The following ABCC11 variants were observed in gnomAD, a reference collection of about 807,000 sequenced individuals.
ABCC11 encodes the protein ATP-binding cassette sub-family C member 11.
In ABCC11, 135 loss-of-function variants were observed where a neutral mutation model predicts 149.3. That is an observed-to-expected ratio of 0.90 (90% CI 0.79 to 1.04). The LOEUF (loss-of-function observed/expected upper bound fraction) is 1.04, where lower values mean the gene tolerates loss of function less well. Among genes scored for constraint, ABCC11 ranks in the 50% least tolerant of loss-of-function variants. ABCC11 has a pLI of 0.00. For synonymous variants in ABCC11, 665 were observed against 671.4 expected (o/e 0.99, Z 0.15); for missense variants, 1,680 against 1,722.1 (o/e 0.98, Z 0.43).
rs1204017437 is a variant in ABCC11, at chr16:48,177,045, C to T, written c.3417G>A (p.Gly1139=). 1.2e-6 allele frequency: 2 copies of T among 1,614,188 alleles called. No individual in the cohort carries two copies. Among genetic ancestry groups the T allele is most frequent in the East Asian group, 2.2e-5 (1 of 44,878 alleles). ...TGTGATAATCCTGAAATATGATTTC[C>T]CCATGCTGTGGCCACCCCTGGGGAC... is the stretch of plus-strand genomic sequence containing the variant. ...TSCPQGWPQH[G]EIIFQDYHMK... is the part of the protein sequence containing the mutation. The change falls in exon 25 of 30, where the codon GGG becomes GGA. Residue 1139 remains glycine (G), a synonymous_variant. Coordinates refer to ENST00000356608, the MANE Select transcript of ABCC11 (RefSeq NM_001370497.1).
In ABCC11 at chr16:48,227,790, C is replaced by T. The variant is rs2150909919; in HGVS notation, c.395+16G>A. On this transcript the variant is annotated intron_variant, in intron 4 of 29. Coordinates refer to ENST00000356608, the MANE Select transcript of ABCC11 (RefSeq NM_001370497.1). ...GTCTTTTAACCTATCCACTGGTTTG[C>T]CCAGCGCAGCTTCACCTTTGGACAT... The T allele has an allele frequency of 2.5e-6, 4 of 1,613,744 alleles. No homozygotes were observed. Among genetic ancestry groups the T allele is most frequent in the South Asian group, 1.1e-5 (1 of 91,046 alleles).
chr16:48,166,302 T>C lies in ABCC11; in HGVS notation c.*972A>G, dbSNP rs74018300. On this transcript the variant is annotated 3_prime_UTR_variant, in exon 30 of 30. Transcript: ENST00000356608. ...CTGGAATCATTGAGGCAAGAAGACC[T>C]GGGGGGTGCAGAGTGTGTAGGACGT... 0.2 allele frequency among the ~76,000 whole-genome samples: 30,102 copies of C among 152,076 alleles called. 3,354 individuals carry two copies. Among genetic ancestry groups the C allele is most frequent in the African/African-American group, 0.29 (12,020 of 41,472 alleles).
intron 6 of ABCC11, among the ~76,000 whole-genome samples, chr16:48,222,340 G>A (rs1013584430): frequency 1.3e-5 from 2 of 152,180 alleles, no homozygotes; most frequent in African/African-American, 4.8e-5. Context: ...GCCTCCCAAA[G>A]TTCCTACTTG....
At chr16:48,170,494 C>G (rs1567471104) in intron 27 of ABCC11, among the ~76,000 whole-genome samples, 1 of 152,150 alleles carries the variant, frequency 6.6e-6, no homozygotes, top group Non-Finnish European at 1.5e-5. Context: ...TTAAAGAGAC[C>G]TTGCCTGGCC....
rs1194408605 is a variant in ABCC11, at chr16:48,224,270, T to C, written c.543+12A>G. 1.2e-6 allele frequency: 2 copies of C among 1,613,392 alleles called. No homozygotes were observed. Among genetic ancestry groups the C allele is most frequent in the Non-Finnish European group, 1.7e-6 (2 of 1,179,794 alleles). The stretch of plus-strand genomic sequence containing the variant: ...CTAGAGTCCCCCAAACCTCACCAAG[T>C]CTGCCACTTACTGGCCCGAGTACAC... On this transcript the variant is annotated intron_variant, in intron 5 of 29. Coordinates refer to ENST00000356608, the MANE Select transcript of ABCC11 (RefSeq NM_001370497.1).
intron 12 of ABCC11, among the ~76,000 whole-genome samples, chr16:48,207,387 C>T (rs1259152546): frequency 1.3e-5 from 2 of 152,012 alleles, no homozygotes; most frequent in Non-Finnish European, 2.9e-5. Flanking sequence ...GAGAAATGGC[C>T]GGGCATGGTG....
intron 17 of ABCC11, 37 bp downstream of exon 17, chr16:48,197,934 C>A (rs1174039448): frequency 6.2e-7 from 1 of 1,606,326 alleles, no homozygotes; most frequent in South Asian, 1.1e-5. Context: ...CCCAGGCAGG[C>A]ATGCAGACAT....
intron 23 of ABCC11, 36 bp from the exon 24 acceptor site, chr16:48,178,722 T>G (rs1966247606): frequency 6.3e-7 from 1 of 1,581,450 alleles, no homozygotes; most frequent in South Asian, 1.1e-5. Flanking sequence ...GTCAAGAGGC[T>G]GCTGGGGTGT....
chr16:48,210,824 AG>A, intron 11 of ABCC11, 123 bp downstream of exon 11: 3 of 1,315,176 alleles, frequency 2.3e-6, no homozygotes, highest in Non-Finnish European at 3.1e-6. Flanking sequence ...TTGAATTTTA[AG>A]GGGAGAGATC....
intron 7 of ABCC11, among the ~76,000 whole-genome samples, 164 bp downstream of exon 7, chr16:48,215,950 T>C (rs1969310691): frequency 6.6e-6 from 1 of 152,214 alleles, no homozygotes; most frequent in Admixed American, 6.5e-5. Flanking sequence ...TAACCGAATG[T>C]TGTGGCCAGA....
At chr16:48,240,133 A>G (rs987250884) in intron 1 of ABCC11, among the ~76,000 whole-genome samples, 1 of 152,260 alleles carries the variant, frequency 6.6e-6, no homozygotes, top group African/African-American at 2.4e-5. Context: ...TCAAAGATCT[A>G]GAGGCAGAAA....
intron 24 of ABCC11, among the ~76,000 whole-genome samples, chr16:48,177,760 C>T (rs1410027134): frequency 6.6e-6 from 1 of 152,236 alleles, no homozygotes; most frequent in African/African-American, 2.4e-5. Context: ...GGTGCCGTGT[C>T]ACAGCAGCAT....
intron 3 of ABCC11, among the ~76,000 whole-genome samples, chr16:48,228,639 A>C (rs973703945): frequency 2.6e-5 from 4 of 152,172 alleles, no homozygotes; most frequent in African/African-American, 9.7e-5. Context: ...TTATATAAAA[A>C]AGGAAGAAAG....
At chr16:48,216,741 C>T (rs1969372360) in intron 6 of ABCC11, among the ~76,000 whole-genome samples, 1 of 152,188 alleles carries the variant, frequency 6.6e-6, no homozygotes, top group South Asian at 2.1e-4. Context: ...GAAAGTCCCT[C>T]TGCTTTTAAG....
chr16:48,218,388 G>C (rs556943105), intron 6 of ABCC11, among the ~76,000 whole-genome samples: 8 of 152,162 alleles, frequency 5.3e-5, no homozygotes, highest in Admixed American at 3.3e-4. Flanking sequence ...TCATTTACTA[G>C]ATGTGCAACC....
intron 6 of ABCC11, among the ~76,000 whole-genome samples, chr16:48,218,037 C>G (rs1969466942): frequency 1.3e-5 from 2 of 152,278 alleles, no homozygotes; most frequent in South Asian, 4.1e-4. Flanking sequence ...TGGCTCACAT[C>G]TACGATCCCA....
chr16:48,229,719 C>G (rs920825915), intron 3 of ABCC11, among the ~76,000 whole-genome samples: 2 of 152,166 alleles, frequency 1.3e-5, no homozygotes, highest in Non-Finnish European at 2.9e-5. Context: ...CCGCCTCGGC[C>G]TCCCAAAGTG....
chr16:48,181,206 C>G (rs1170753906), intron 23 of ABCC11, among the ~76,000 whole-genome samples: 2 of 152,162 alleles, frequency 1.3e-5, no homozygotes, highest in Non-Finnish European at 2.9e-5. Flanking sequence ...GGTGTGGTGC[C>G]TCTCCCTGAG....
intron 1 of ABCC11, chr16:48,244,264 A>T (rs1238355696): frequency 1.5e-6 from 1 of 678,354 alleles, no homozygotes; most frequent in Non-Finnish European, 2.3e-6. Context: ...CCGGGGACGG[A>T]CCGTAGCGCG....
Sources: allele counts gnomAD v4.1 joint callset (sites outside exome capture counted in the v4.1 genomes callset), GRCh38; gene constraint gnomAD v4.1.1; transcripts MANE v1.5; gene names NCBI Gene and HGNC (gene_info 2026-07-23, HGNC 2026-07-21).